The following FOXP1 variants were observed in gnomAD, a reference collection of about 807,000 sequenced individuals.
FOXP1 encodes the protein forkhead box protein P1.
FOXP1 carries 15 observed loss-of-function variants against 98.2 expected under a neutral mutation model. The observed-to-expected ratio is 0.15, with a 90% CI of 0.10 to 0.24. FOXP1 has a LOEUF of 0.24. FOXP1 is among the 10% of genes least tolerant of loss of function. FOXP1 has a pLI of 1.00. For synonymous variants in FOXP1, 371 were observed against 314.5 expected (o/e 1.18, Z -1.90); for missense variants, 633 against 848.5 (o/e 0.75, Z 3.15).
At position 71,153,315 on chromosome 3, in the gene FOXP1, G is replaced by A. The variant is rs1039151532; in HGVS notation, c.181-40678C>T. Among the ~76,000 whole-genome samples the A allele has an allele frequency of 7.9e-5, 12 of 152,050 alleles. No homozygotes were observed. The East Asian group carries it at 9.6e-4, about 12-fold the overall frequency. On this transcript the variant is annotated intron_variant, in intron 6 of 20. Transcript: ENST00000649528. ...GGCTAAAAGTTACTAGAATGCTGTC[G>A]CTGCCAAGTTTTATTTTAGCCCTCA...
chr3:71,294,556 A>C (rs968291161), intron 5 of FOXP1, among the ~76,000 whole-genome samples: 1 of 152,170 alleles, frequency 6.6e-6, no homozygotes, highest in African/African-American at 2.4e-5. Context: ...CTCAGCACCT[A>C]GCACACACCC....
chr3:71,117,524 G>A (rs369564247), intron 6 of FOXP1, among the ~76,000 whole-genome samples: 30 of 152,280 alleles, frequency 2.0e-4, no homozygotes, highest in African/African-American at 4.3e-4. Context: ...TACAGAATGC[G>A]TGTGAATATG....
chr3:71,272,094 C>T (rs1057179731), intron 5 of FOXP1, among the ~76,000 whole-genome samples: 1 of 152,180 alleles, frequency 6.6e-6, no homozygotes, highest in Non-Finnish European at 1.5e-5. Context: ...TCTCTACCCA[C>T]TGGGATTTTA....
At chr3:71,107,374 G>A (rs2057526164) in intron 7 of FOXP1, among the ~76,000 whole-genome samples, 1 of 152,104 alleles carries the variant, frequency 6.6e-6, no homozygotes, top group Non-Finnish European at 1.5e-5. Context: ...TTTCTGGGAG[G>A]AGGGGTCACT....
intron 5 of FOXP1, chr3:71,210,773 CAA>C (rs568500056): frequency 8.1e-4 from 124 of 152,284 alleles, no homozygotes; most frequent in African/African-American, 2.9e-3. Context: ...AAGAGAAAAA[CAA>C]AATGAAAAAG....
intron 4 of FOXP1, among the ~76,000 whole-genome samples, chr3:71,318,160 T>G (rs1354150134): frequency 2.3e-3 from 351 of 152,092 alleles, no homozygotes; most frequent in Non-Finnish European, 2.4e-3. Flanking sequence ...CAAGGTTTTT[T>G]TTTTTTTTTT....
At chr3:71,048,396 T>C (rs924994887) in intron 9 of FOXP1, among the ~76,000 whole-genome samples, 4 of 152,046 alleles carry the variant, frequency 2.6e-5, no homozygotes, top group East Asian at 1.9e-4. Context: ...AAGAGAAAAA[T>C]GGTGGTTTCC....
intron 5 of FOXP1, among the ~76,000 whole-genome samples, chr3:71,256,531 C>G (rs991893560): frequency 2.6e-5 from 4 of 152,074 alleles, no homozygotes; most frequent in African/African-American, 9.7e-5. Context: ...CTACAGGTGC[C>G]CACTATCACA....
intron 5 of FOXP1, among the ~76,000 whole-genome samples, chr3:71,249,956 A>T (rs1380473231): frequency 6.6e-6 from 1 of 152,186 alleles, no homozygotes; most frequent in Non-Finnish European, 1.5e-5. Flanking sequence ...GTTTAACCCT[A>T]CTTAGCACCA....
intron 12 of FOXP1, among the ~76,000 whole-genome samples, chr3:71,013,935 C>G (rs958300135): frequency 1.3e-5 from 2 of 152,144 alleles, no homozygotes; most frequent in Non-Finnish European, 2.9e-5. Context: ...GCTGGGAAAA[C>G]TGGCTAGCCA....
chr3:71,322,408 A>G (rs1243728842), intron 4 of FOXP1, among the ~76,000 whole-genome samples: 2 of 152,142 alleles, frequency 1.3e-5, no homozygotes, highest in African/African-American at 2.4e-5. Context: ...GAACATTTTC[A>G]TCACTGCAGA....
chr3:70,988,220 T>C (rs982900013), intron 13 of FOXP1, 143 bp from the exon 14 acceptor site: 1 of 819,536 alleles, frequency 1.2e-6, no homozygotes, highest in Non-Finnish European at 2.1e-6. Context: ...GAAATCTACA[T>C]GACCATTGCC....
rs1362173700 is a variant in FOXP1 at position 71,435,255 on chromosome 3, G to A, written c.-168+58171C>T. Among the ~76,000 whole-genome samples, 23 of 3,636 alleles carry A rather than the reference G, an allele frequency of 6.3e-3. 2 individuals carry two copies. The highest frequency in any genetic ancestry group is 0.025 in the African/African-American group (21 of 844). The allele number at this position is 3,636 out of a possible 152,430, so 2.4% of individuals were successfully genotyped here. ...AGGAAGAAGGGAGGAAGGAAGAGAG[G>A]GAGGGAGGGAGGGAGGGAAGAAGGG... On this transcript the variant is annotated intron_variant, in intron 3 of 20. Coordinates refer to ENST00000649528, the MANE Select transcript of FOXP1 (RefSeq NM_001349338.3).
chr3:71,034,862 A>G (rs1346442018), intron 11 of FOXP1, among the ~76,000 whole-genome samples: 1 of 152,122 alleles, frequency 6.6e-6, no homozygotes. Context: ...CTCACGTAAG[A>G]ATGGCAAGTC....
chr3:71,383,470 A>G (rs1259033616), intron 3 of FOXP1, among the ~76,000 whole-genome samples: 1 of 152,228 alleles, frequency 6.6e-6, no homozygotes, highest in Non-Finnish European at 1.5e-5. Flanking sequence ...AAATGTTGGT[A>G]TTTAGGGCAT....
At chr3:71,011,353 C>T (rs1054653325) in intron 12 of FOXP1, among the ~76,000 whole-genome samples, 4 of 152,134 alleles carry the variant, frequency 2.6e-5, no homozygotes, top group Non-Finnish European at 5.9e-5. Context: ...GAACACATGA[C>T]TCAATCTGGG....
At chr3:71,448,883 G>A (rs564485302) in intron 3 of FOXP1, among the ~76,000 whole-genome samples, 85 of 152,296 alleles carry the variant, frequency 5.6e-4, no homozygotes, top group Non-Finnish European at 6.5e-4. Flanking sequence ...GCCGGCACAC[G>A]TCTTTTTCAT....
intron 12 of FOXP1, among the ~76,000 whole-genome samples, chr3:71,005,486 A>G (rs975205581): frequency 6.6e-6 from 1 of 152,138 alleles, no homozygotes; most frequent in East Asian, 1.9e-4. Flanking sequence ...ACACATATTA[A>G]ATCTGAGGAT....
At chr3:71,220,164 G>C (rs1293915448) in intron 5 of FOXP1, among the ~76,000 whole-genome samples, 3 of 152,166 alleles carry the variant, frequency 2.0e-5, no homozygotes, top group African/African-American at 7.2e-5. Flanking sequence ...CTGTAAGCTA[G>C]GGATCATGTC....
Sources: allele counts gnomAD v4.1 joint callset (sites outside exome capture counted in the v4.1 genomes callset), GRCh38; gene constraint gnomAD v4.1.1; transcripts MANE v1.5; gene names NCBI Gene and HGNC (gene_info 2026-07-23, HGNC 2026-07-21).